The following NSF variants were observed in gnomAD, a reference collection of about 807,000 sequenced individuals.
NSF encodes the protein vesicle-fusing ATPase.
In NSF, 14 loss-of-function variants were observed where a neutral mutation model predicts 50.3. The observed-to-expected ratio is 0.28, with a 90% confidence interval of 0.18 to 0.44. The LOEUF (loss-of-function observed/expected upper bound fraction) is 0.44, where lower values mean the gene tolerates loss of function less well. Ranked by LOEUF, NSF falls within the 20% of genes least tolerant of loss-of-function variation. The pLI is 1.00. For synonymous variants in NSF, 109 were observed against 175.7 expected (o/e 0.62, Z 3.00); for missense variants, 218 against 504.3 (o/e 0.43, Z 5.44).
intron 9 of NSF, among the ~76,000 whole-genome samples, chr17:46,685,122 T>C (rs1177293445): frequency 2.9e-5 from 4 of 139,884 alleles, no homozygotes; most frequent in Non-Finnish European, 6.1e-5. Context: ...TAACGGACCC[T>C]AATGAGATAC....
At chr17:46,721,541 G>T in intron 15 of NSF, 1 of 1,169,448 alleles carries the variant, frequency 8.6e-7, no homozygotes, top group Non-Finnish European at 1.3e-6. Context: ...TTCTTTTTCT[G>T]TGTGTGTGTG....
intron 2 of NSF, among the ~76,000 whole-genome samples, chr17:46,625,879 TAAAAAAAAAAAAA>T (rs147622864): frequency 1.7e-5 from 1 of 59,010 alleles, no homozygotes; most frequent in East Asian, 9.6e-4. Context: ...CCACATGTAT[TAAAAAAAAAAAAA>T]AAAAAAAAAA....
Position 46,757,415 on chromosome 17 carries a change from T to C in NSF, c.*1592T>C, listed in dbSNP as rs897441279. Reference sequence around the variant, plus strand: ...TGTCCAAAACTGTATTGAAAAAATATTGTTTAATGCAAATGAAGGAATGCA... The same window carrying C: ...TGTCCAAAACTGTATTGAAAAAATACTGTTTAATGCAAATGAAGGAATGCA... On this transcript the variant is annotated 3_prime_UTR_variant, in exon 21 of 21. Transcript: ENST00000398238. 2.0e-5 allele frequency: 3 copies of C among 152,584 alleles called. No individual in the cohort carries two copies. The East Asian group carries it at 5.8e-4, about 29-fold the overall frequency. The allele number at this position is 152,584 out of a possible 1,614,324, so 9.5% of individuals were successfully genotyped here. A position where few individuals can be genotyped will look rare whatever the true frequency, so the allele number is the denominator to read the frequency against.
At position 46,704,962 on chromosome 17, in the gene NSF, C is replaced by G. The variant is rs569098846; in HGVS notation, c.1470+108C>G. 42 of 1,036,986 alleles carry G rather than the reference C, an allele frequency of 4.1e-5. No homozygotes were observed. In the African/African-American group the frequency reaches 6.9e-4, roughly 17 times the overall value. 64.2% of individuals were successfully genotyped at this position (1,036,986 alleles called of 1,614,324 possible). A position where few individuals can be genotyped will look rare whatever the true frequency, so the allele number is the denominator to read the frequency against. ...GTATTATGGAAGGTTATAGCATATGCAGTTTCATAAAATGAGAAAATTTTA... is the reference window on the plus strand; with the variant it reads ...GTATTATGGAAGGTTATAGCATATGGAGTTTCATAAAATGAGAAAATTTTA... On this transcript the variant is annotated intron_variant, in intron 13 of 20. Coordinates refer to ENST00000398238, the MANE Select transcript of NSF (RefSeq NM_006178.4).
chr17:46,754,677 C>A (rs1249586204), intron 19 of NSF, among the ~76,000 whole-genome samples: 1 of 152,160 alleles, frequency 6.6e-6, no homozygotes, highest in Non-Finnish European at 1.5e-5. Flanking sequence ...AACGAAGCAC[C>A]TGAAACAAAG....
chr17:46,729,226 C>T lies in NSF; in HGVS notation c.1908+292C>T, dbSNP rs534405106. Among the ~76,000 whole-genome samples, 43 of 152,258 alleles carry T rather than the reference C, an allele frequency of 2.8e-4. No homozygotes were observed. In the South Asian group the frequency reaches 7.5e-3, roughly 26 times the overall value. Reference sequence around the variant, plus strand: ...TTTTCCACCATATTACATATCCCTACTACCTCCAACTGCCAAGGGAGATTA... The same window carrying T: ...TTTTCCACCATATTACATATCCCTATTACCTCCAACTGCCAAGGGAGATTA... On this transcript the variant is annotated intron_variant, in intron 17 of 20. Transcript: ENST00000398238.
chr17:46,595,492 CTTTTT>C, intron 1 of NSF, among the ~76,000 whole-genome samples: 1 of 96,120 alleles, frequency 1.0e-5, no homozygotes, highest in Non-Finnish European at 1.8e-5. Flanking sequence ...ATCACTGGAT[CTTTTT>C]TTTTTTTTTT....
At chr17:46,748,563 A>G (rs2059153555) in intron 17 of NSF, among the ~76,000 whole-genome samples, 1 of 152,134 alleles carries the variant, frequency 6.6e-6, no homozygotes, top group African/African-American at 2.4e-5. Context: ...CAGCATAGAC[A>G]GGGGAATAGA....
At chr17:46,746,984 C>T (rs1342650643) in intron 17 of NSF, among the ~76,000 whole-genome samples, 4 of 152,102 alleles carry the variant, frequency 2.6e-5, no homozygotes, top group African/African-American at 9.7e-5. Flanking sequence ...ATGCTGGCAA[C>T]GAGGCTTTAT....
At chr17:46,755,535 T>G in intron 20 of NSF, 166 bp downstream of exon 20, 1 of 708,796 alleles carries the variant, frequency 1.4e-6, no homozygotes, top group Non-Finnish European at 2.4e-6. Flanking sequence ...GTTGTACTGT[T>G]GGTTTGCTCT....
chr17:46,754,477 ATATTT>A (rs1465022003), intron 19 of NSF, among the ~76,000 whole-genome samples: 1 of 152,238 alleles, frequency 6.6e-6, no homozygotes, highest in Non-Finnish European at 1.5e-5. Flanking sequence ...GCTCTGAAAC[ATATTT>A]TAAAAGTTAG....
rs1171997396 is a variant in NSF, at chr17:46,756,556, T to C, written c.*733T>C. ...CACTTAGAAGATGTTGTTAAAAACA[T>C]GTGAAAGATAGGTATGGAAAAAGCA... is the stretch of plus-strand genomic sequence containing the variant. On this transcript the variant is annotated 3_prime_UTR_variant, in exon 21 of 21. Coordinates refer to ENST00000398238, the MANE Select transcript of NSF (RefSeq NM_006178.4). 1.3e-5 allele frequency: 2 copies of C among 152,440 alleles called. No individual in the cohort carries two copies. The highest frequency in any genetic ancestry group is 2.9e-5 in the Non-Finnish European group (2 of 68,024). 9.4% of individuals were successfully genotyped at this position (152,440 alleles called of 1,614,324 possible).
At chr17:46,718,429 C>T (rs1263573950) in intron 15 of NSF, among the ~76,000 whole-genome samples, 1 of 152,142 alleles carries the variant, frequency 6.6e-6, no homozygotes, top group Admixed American at 6.5e-5. Flanking sequence ...TAATGAGTTT[C>T]ACAACTACCC....
At chr17:46,732,190 A>G (rs1161765167) in intron 17 of NSF, among the ~76,000 whole-genome samples, 2 of 152,234 alleles carry the variant, frequency 1.3e-5, no homozygotes, top group African/African-American at 2.4e-5. Context: ...ACACTACAGT[A>G]ATCATATCAG....
intron 13 of NSF, among the ~76,000 whole-genome samples, chr17:46,708,793 CACCATT>C: frequency 7.3e-6 from 1 of 137,232 alleles, no homozygotes; most frequent in East Asian, 2.0e-4. Flanking sequence ...TGCACTTGGC[CACCATT>C]TATTTTATAT....
intron 12 of NSF, among the ~76,000 whole-genome samples, chr17:46,697,403 G>A (rs2058605591): frequency 6.7e-6 from 1 of 149,808 alleles, no homozygotes; most frequent in African/African-American, 2.5e-5. Context: ...GTAGAGATGG[G>A]TTTTCACCAT....
chr17:46,734,168 G>A (rs2058977677), intron 17 of NSF, among the ~76,000 whole-genome samples: 1 of 152,140 alleles, frequency 6.6e-6, no homozygotes, highest in Non-Finnish European at 1.5e-5. Context: ...TAGGCTTTGG[G>A]TTGCTTTAGT....
chr17:46,751,679 T>C, intron 19 of NSF, 63 bp downstream of exon 19: 1 of 925,780 alleles, frequency 1.1e-6, no homozygotes, highest in Non-Finnish European at 1.6e-6. Flanking sequence ...ACCAAGAGGG[T>C]TCAGTATTTC....
intron 17 of NSF, among the ~76,000 whole-genome samples, chr17:46,749,082 A>G (rs553406803): frequency 1.3e-5 from 2 of 152,328 alleles, no homozygotes; most frequent in African/African-American, 4.8e-5. Context: ...AAAGCTGAAA[A>G]CAAAAATCTA....
Sources: gnomAD v4.1 joint callset for allele counts (sites outside exome capture counted in the v4.1 genomes callset) on GRCh38, gnomAD v4.1.1 for gene constraint, MANE v1.5 for transcripts, NCBI Gene and HGNC (gene_info 2026-07-23, HGNC 2026-07-21) for gene names.